Variants in HEMK1 observed in about 807,000 individuals in gnomAD.
HEMK1 encodes MTRF1L release factor glutamine methyltransferase.
In HEMK1, 36 loss-of-function variants were observed where a neutral mutation model predicts 47.9. The ratio of observed to expected loss-of-function variants is 0.75; its 90% CI spans 0.58 to 0.99. HEMK1 has a LOEUF of 0.99. HEMK1 is among the 50% of genes least tolerant of loss of function. The probability of loss-of-function intolerance (pLI) is 0.00; values close to 1 mark genes in which losing one functional copy is unlikely to be tolerated. For synonymous variants in HEMK1, 153 were observed against 165.4 expected (o/e 0.93, Z 0.57); for missense variants, 383 against 434.5 (o/e 0.88, Z 1.05).
Position 50,571,209 on chromosome 3 carries a change from G to C in HEMK1, c.105G>C (p.Leu35=), listed in dbSNP as rs1700912643. Residue 35 remains leucine (L), a synonymous_variant, in exon 2 of 11, where the codon CTG becomes CTC. Coordinates refer to ENST00000232854, the MANE Select transcript of HEMK1 (RefSeq NM_016173.5). The part of the protein sequence containing the change: ...AFSSWQPQPP[L]AGLSSAIELV... ...GCTCATGGCAACCCCAACCACCTCT[G>C]GCTGGGTTATCCAGTGCCATAGAAC... is the stretch of plus-strand genomic sequence containing the variant. 1.2e-6 allele frequency: 2 copies of C among 1,613,950 alleles called. No homozygotes were observed. The highest frequency in any genetic ancestry group is 4.5e-5 in the East Asian group (2 of 44,868).
Position 50,579,865 on chromosome 3 carries a change from G to A in HEMK1, c.792G>A (p.Leu264=). 1 of 1,613,890 alleles carries A rather than the reference G, an allele frequency of 6.2e-7. No homozygotes were observed. Among genetic ancestry groups the A allele is most frequent in the Non-Finnish European group, 8.5e-7 (1 of 1,179,888 alleles). Reference sequence around the variant, plus strand: ...TCAGCTATGAAGACCCCGCGGCCCTGGATGGTGGGGAGGAGGGCATGGACA... The same window carrying A: ...TCAGCTATGAAGACCCCGCGGCCCTAGATGGTGGGGAGGAGGGCATGGACA... The part of the protein sequence containing the change: ...EIRSYEDPAA[L]DGGEEGMDII... The change falls in exon 9 of 11, where the codon CTG becomes CTA. Residue 264 remains leucine (L), a synonymous_variant. Transcript: ENST00000232854.
chr3:50,578,460 C>G (rs1479041467), intron 7 of HEMK1, among the ~76,000 whole-genome samples: 1 of 152,164 alleles, frequency 6.6e-6, no homozygotes, highest in African/African-American at 2.4e-5. Context: ...CCTCCATGTA[C>G]TCTCAGTCCA....
At chr3:50,576,120 C>A (rs890601013) in intron 4 of HEMK1, among the ~76,000 whole-genome samples, 1 of 152,214 alleles carries the variant, frequency 6.6e-6, no homozygotes, top group African/African-American at 2.4e-5. Context: ...AGGACCATGT[C>A]CCCCCATGGC....
Position 50,581,704 on chromosome 3 carries a change from G to A in HEMK1, c.*1287G>A, listed in dbSNP as rs1467727720. ...GTACTGCCTGAGGTCACATGACAGT[G>A]ACCAAGTGGAGACAGTAAGTTAGAT... is the stretch of plus-strand genomic sequence containing the variant. On this transcript the variant is annotated 3_prime_UTR_variant, in exon 11 of 11. Transcript: ENST00000232854. 1 of 152,280 alleles carries A rather than the reference G, an allele frequency of 6.6e-6. No individual in the cohort carries two copies. Among genetic ancestry groups the A allele is most frequent in the Non-Finnish European group, 1.5e-5 (1 of 68,064 alleles). The allele number at this position is 152,280 out of a possible 1,614,324, so 9.4% of individuals were successfully genotyped here.
rs1028010854 is a variant in HEMK1 at position 50,586,904 on chromosome 3, C to T, written c.*6487C>T. ...GGCTGAGCTACGTGACCAAGCAAAG[C>T]AAACTAGGACTACAGGTGTGAACAA... On this transcript the variant is annotated 3_prime_UTR_variant, in exon 11 of 11. Coordinates refer to ENST00000232854, the MANE Select transcript of HEMK1 (RefSeq NM_016173.5). 1.3e-4 allele frequency: 20 copies of T among 152,152 alleles called. No homozygotes were observed. The highest frequency in any genetic ancestry group is 4.1e-4 in the African/African-American group (17 of 41,418). The allele number at this position is 152,152 out of a possible 1,614,324, so 9.4% of individuals were successfully genotyped here. A position where few individuals can be genotyped will look rare whatever the true frequency, so the allele number is the denominator to read the frequency against.
In HEMK1 at chr3:50,584,808, T is replaced by C. The variant is rs1265654067; in HGVS notation, c.*4391T>C. On this transcript the variant is annotated 3_prime_UTR_variant, in exon 11 of 11. Transcript: ENST00000232854. The stretch of plus-strand genomic sequence containing the variant: ...AGCAGCCACGGGAAACGAATATAGA[T>C]TGTGGTGCCCAAATTAGAGTGCTGC... The C allele has an allele frequency of 6.6e-6, 1 of 152,216 alleles. No homozygotes were observed. Among genetic ancestry groups the C allele is most frequent in the Non-Finnish European group, 1.5e-5 (1 of 68,034 alleles). 9.4% of individuals were successfully genotyped at this position (152,216 alleles called of 1,614,324 possible). A position where few individuals can be genotyped will look rare whatever the true frequency, so the allele number is the denominator to read the frequency against.
intron 7 of HEMK1, 78 bp downstream of exon 7, chr3:50,577,953 A>T: frequency 7.7e-7 from 1 of 1,304,698 alleles, no homozygotes; most frequent in Non-Finnish European, 1.1e-6. Context: ...CTCCGTGGAG[A>T]TGGAGGGAGA....
intron 8 of HEMK1, 47 bp downstream of exon 8, chr3:50,578,973 T>TG: frequency 7.1e-7 from 1 of 1,414,884 alleles, no homozygotes; most frequent in Non-Finnish European, 9.9e-7. Context: ...AAAGGCCTGA[T>TG]GGGATTAGTC....
Position 50,593,691 on chromosome 3 carries a change from T to C in HEMK1, c.*13274T>C, listed in dbSNP as rs2031833914. On this transcript the variant is annotated 3_prime_UTR_variant, in exon 11 of 11. Coordinates refer to ENST00000232854, the MANE Select transcript of HEMK1 (RefSeq NM_016173.5). ...TGTTGCTTCTCTTGGATTTTCTACATTGACATTTTACCACTGAAAATAATG... is the reference window on the plus strand; with the variant it reads ...TGTTGCTTCTCTTGGATTTTCTACACTGACATTTTACCACTGAAAATAATG... 6.6e-6 allele frequency: 1 copy of C among 152,202 alleles called. No individual in the cohort carries two copies. Among genetic ancestry groups the C allele is most frequent in the African/African-American group, 2.4e-5 (1 of 41,448 alleles). 9.4% of individuals were successfully genotyped at this position (152,202 alleles called of 1,614,324 possible).
At chr3:50,577,334 C>T (rs1701692751) in intron 5 of HEMK1, 148 bp downstream of exon 5, 7 of 1,162,716 alleles carry the variant, frequency 6.0e-6, no homozygotes, top group Non-Finnish European at 8.8e-6. Context: ...CACTGTGGTT[C>T]ACAGACTCTA....
intron 1 of HEMK1, chr3:50,570,607 G>C (rs1230490177): frequency 6.6e-6 from 1 of 152,532 alleles, no homozygotes; most frequent in Non-Finnish European, 1.5e-5. Flanking sequence ...TATGGATTAA[G>C]AAAGTGAAAA....
In HEMK1 at chr3:50,595,824, G is replaced by A. The variant is rs912681309; in HGVS notation, c.*15407G>A. On this transcript the variant is annotated 3_prime_UTR_variant, in exon 11 of 11. Coordinates refer to ENST00000232854, the MANE Select transcript of HEMK1 (RefSeq NM_016173.5). ...ATATAGGCATCGATGTATTTCTGGG[G>A]TGACTCTCTTTCCTCCAGACCTCTC... The A allele has an allele frequency of 3.9e-5, 6 of 152,174 alleles. No individual in the cohort carries two copies. The highest frequency in any genetic ancestry group is 8.8e-5 in the Non-Finnish European group (6 of 68,040). 9.4% of individuals were successfully genotyped at this position (152,174 alleles called of 1,614,324 possible). A position where few individuals can be genotyped will look rare whatever the true frequency, so the allele number is the denominator to read the frequency against.
intron 4 of HEMK1, among the ~76,000 whole-genome samples, chr3:50,573,194 A>T (rs990405778): frequency 6.6e-6 from 1 of 152,000 alleles, no homozygotes; most frequent in Admixed American, 6.6e-5. Context: ...GCCTTGCTGA[A>T]GTCACAGGGC....
chr3:50,571,440 AT>A, intron 2 of HEMK1, 108 bp downstream of exon 2: 1 of 849,142 alleles, frequency 1.2e-6, no homozygotes, highest in Non-Finnish European at 1.8e-6. Flanking sequence ...GACTGATGGG[AT>A]TTTTCTGAAG....
At chr3:50,577,346 C>T (rs930751034) in intron 5 of HEMK1, among the ~76,000 whole-genome samples, 160 bp downstream of exon 5, 5 of 152,244 alleles carry the variant, frequency 3.3e-5, no homozygotes, top group Non-Finnish European at 7.3e-5. Context: ...CAGACTCTAA[C>T]GCCTACCACA....
In HEMK1 at chr3:50,594,282, T is replaced by G. The variant is rs2031858467; in HGVS notation, c.*13865T>G. The G allele has an allele frequency of 6.6e-6, 1 of 152,212 alleles. No homozygotes were observed. Among genetic ancestry groups the G allele is most frequent in the Non-Finnish European group, 1.5e-5 (1 of 68,040 alleles). The allele number at this position is 152,212 out of a possible 1,614,324, so 9.4% of individuals were successfully genotyped here. On this transcript the variant is annotated 3_prime_UTR_variant, in exon 11 of 11. Coordinates refer to ENST00000232854, the MANE Select transcript of HEMK1 (RefSeq NM_016173.5). ...TTTGTTTATTTTAGAGGCTTTTTTT[T>G]TCATCTTTCATTCATGCAACAGACC...
chr3:50,584,456 G>A lies in HEMK1; in HGVS notation c.*4039G>A, dbSNP rs1391225971. The A allele has an allele frequency of 6.6e-6, 1 of 152,234 alleles. No individual in the cohort carries two copies. Among genetic ancestry groups the A allele is most frequent in the Non-Finnish European group, 1.5e-5 (1 of 68,038 alleles). 9.4% of individuals were successfully genotyped at this position (152,234 alleles called of 1,614,324 possible). On this transcript the variant is annotated 3_prime_UTR_variant, in exon 11 of 11. Coordinates refer to ENST00000232854, the MANE Select transcript of HEMK1 (RefSeq NM_016173.5). ...CAGATGTGATTAAGGATCTTGAGAT[G>A]GAAGGAGTATCCTGGATTTTTCAGG...
chr3:50,580,198 C>A lies in HEMK1; in HGVS notation c.949C>A (p.Leu317Ile), dbSNP rs201118578. 8.7e-6 allele frequency: 14 copies of A among 1,614,068 alleles called. No individual in the cohort carries two copies. The highest frequency in any genetic ancestry group is 1.2e-5 in the Non-Finnish European group (14 of 1,180,030). ...GAGCCGGCCTGACCTGTACCTTAAT[C>A]TTGTGGCTGTGCGCAGGGACTTCTG... is the stretch of plus-strand genomic sequence containing the variant. ...LQSRPDLYLN[L>I]VAVRRDFCGR... Residue 317 changes from leucine to isoleucine, a missense_variant, in exon 10 of 11, where the codon CTT becomes ATT. Transcript: ENST00000232854.
chr3:50,571,168 C>A lies in HEMK1; in HGVS notation c.64C>A (p.Arg22=). Residue 22 remains arginine (R), a synonymous_variant, in exon 2 of 11, where the codon CGG becomes AGG. Transcript: ENST00000232854. Reference sequence around the variant, plus strand: ...TGGCCCAGGGAGGAGGGGAAGTACCCGGGGCTGGGCCTTCAGCTCATGGCA... The same window carrying A: ...TGGCCCAGGGAGGAGGGGAAGTACCAGGGGCTGGGCCTTCAGCTCATGGCA... ...LSGPGRRGST[R]GWAFSSWQPQ... 6.2e-7 allele frequency: 1 copy of A among 1,613,404 alleles called. No individual in the cohort carries two copies. Among genetic ancestry groups the A allele is most frequent in the Non-Finnish European group, 8.5e-7 (1 of 1,179,756 alleles).
Sources: allele counts gnomAD v4.1 joint callset (sites outside exome capture counted in the v4.1 genomes callset), GRCh38; gene constraint gnomAD v4.1.1; transcripts MANE v1.5; gene names NCBI Gene and HGNC (gene_info 2026-07-23, HGNC 2026-07-21).